Variants in ALDH3A1 observed in about 807,000 individuals in gnomAD.
The protein encoded by ALDH3A1 is aldehyde dehydrogenase, dimeric NADP-preferring.
ALDH3A1 carries 46 observed loss-of-function variants against 49.9 expected under a neutral mutation model. The observed-to-expected ratio is 0.92, with a 90% CI of 0.73 to 1.18. The LOEUF is 1.18. Among genes scored for constraint, ALDH3A1 ranks in the 50% most tolerant of loss-of-function variants. The pLI, the probability that ALDH3A1 is intolerant of heterozygous loss-of-function variation, is 0.00. For synonymous variants in ALDH3A1, 269 were observed against 253.3 expected (o/e 1.06, Z -0.59); for missense variants, 592 against 611.8 (o/e 0.97, Z 0.34).
intron 1 of ALDH3A1, among the ~76,000 whole-genome samples, chr17:19,746,629 G>A (rs897334409): frequency 1.0e-4 from 15 of 144,150 alleles, no homozygotes; most frequent in African/African-American, 4.0e-4. Flanking sequence ...GTGTGCGTGT[G>A]TGTGTGTGCG....
At chr17:19,746,067 C>A (rs2086591277) in intron 1 of ALDH3A1, among the ~76,000 whole-genome samples, 1 of 152,164 alleles carries the variant, frequency 6.6e-6, no homozygotes, top group Non-Finnish European at 1.5e-5. Flanking sequence ...CCAGGGGTGT[C>A]TCAGGCACTG....
At chr17:19,738,602 T>C (rs2086431792) in intron 9 of ALDH3A1, 149 bp from the exon 10 acceptor site, 4 of 1,214,100 alleles carry the variant, frequency 3.3e-6, no homozygotes, top group Admixed American at 2.2e-5. Context: ...TCAAATCCTA[T>C]GGCCCTCAGC....
intron 2 of ALDH3A1, chr17:19,744,702 G>T: frequency 3.7e-6 from 5 of 1,338,792 alleles, no homozygotes; most frequent in Non-Finnish European, 4.8e-6. Flanking sequence ...TCAGGGTGTC[G>T]GGGCAGCAGG....
chr17:19,739,753 C>T, intron 7 of ALDH3A1, 79 bp from the exon 8 acceptor site: 2 of 1,512,270 alleles, frequency 1.3e-6, no homozygotes, highest in South Asian at 1.3e-5. Context: ...TAGACCCCTG[C>T]TCCAACCCTT....
intron 7 of ALDH3A1, 128 bp downstream of exon 7, chr17:19,740,208 G>A (rs2086464341): frequency 3.8e-6 from 5 of 1,326,398 alleles, no homozygotes; most frequent in Non-Finnish European, 5.2e-6. Context: ...CAGGCTCCCT[G>A]GTGAAAGCAA....
rs1366450582 is a variant in ALDH3A1 at position 19,738,355 on chromosome 17, G to A, written c.1315C>T (p.Leu439=). The A allele has an allele frequency of 6.2e-6, 10 of 1,613,764 alleles. No homozygotes were observed. In the African/African-American group the frequency reaches 1.3e-4, roughly 22 times the overall value. ...LVRPLMNDEG[L]KVRYPPSPAK... is the part of the protein sequence containing the mutation. ...GGGCTCGGGGGGTATCTGACCTTCA[G>A]GCCTTCATCATTCATCAGAGGCCTC... Residue 439 remains leucine (L), a synonymous_variant, in exon 10 of 11, where the codon CTG becomes TTG. Transcript: ENST00000225740.
At chr17:19,741,404 G>A (rs918565818) in intron 5 of ALDH3A1, 194 bp from the exon 6 acceptor site, 14 of 530,150 alleles carry the variant, frequency 2.6e-5, no homozygotes, top group Middle Eastern at 5.1e-4. Flanking sequence ...GTTCACCGGC[G>A]ACTGGTGGGG....
In ALDH3A1 at chr17:19,738,386, G is replaced by A. The variant is rs751939838; in HGVS notation, c.1284C>T (p.Cys428=). ...CATCATTCATCAGAGGCCTCACCAG[G>A]CAAGAGCGGCGGTGAGAGAAAGTCT... ...SFETFSHRRS[C]LVRPLMNDEG... Residue 428 remains cysteine, a synonymous_variant, in exon 10 of 11, where the codon TGC becomes TGT. Coordinates refer to ENST00000225740, the MANE Select transcript of ALDH3A1 (RefSeq NM_000691.5). 3 of 1,613,914 alleles carry A rather than the reference G, an allele frequency of 1.9e-6. No homozygotes were observed. Among genetic ancestry groups the A allele is most frequent in the Non-Finnish European group, 2.5e-6 (3 of 1,179,870 alleles).
At chr17:19,744,078 G>A (rs1175753325) in intron 2 of ALDH3A1, 1 of 985,364 alleles carries the variant, frequency 1.0e-6, no homozygotes, top group Non-Finnish European at 1.2e-6. Flanking sequence ...GGTTTAAGAT[G>A]AGAAGTCCTG....
intron 2 of ALDH3A1, chr17:19,744,219 C>T: frequency 1.3e-6 from 1 of 744,552 alleles, no homozygotes; most frequent in Non-Finnish European, 1.6e-6. Context: ...GCCTGTCCAA[C>T]ATGGCGAAAC....
chr17:19,739,454 C>A, intron 8 of ALDH3A1, 54 bp downstream of exon 8: 1 of 1,564,360 alleles, frequency 6.4e-7, no homozygotes, highest in South Asian at 1.2e-5. Flanking sequence ...AGTTTGAACC[C>A]AGGTCTGTGG....
At position 19,743,729 on chromosome 17, in the gene ALDH3A1, G is replaced by T; in HGVS notation, c.163-266C>A. The T allele has an allele frequency of 1.0e-6, 1 of 984,914 alleles. No individual in the cohort carries two copies. Among genetic ancestry groups the T allele is most frequent in the South Asian group, 4.7e-5 (1 of 21,258 alleles). 61.0% of individuals were successfully genotyped at this position (984,914 alleles called of 1,614,324 possible). Reference sequence around the variant, plus strand: ...GAGCCGGTGAAGGGACCAGGCATGGGCAACGGAATGGATCCAGGTAGGGGG... The same window carrying T: ...GAGCCGGTGAAGGGACCAGGCATGGTCAACGGAATGGATCCAGGTAGGGGG... On this transcript the variant is annotated intron_variant, in intron 2 of 10. Coordinates refer to ENST00000225740, the MANE Select transcript of ALDH3A1 (RefSeq NM_000691.5). The surrounding 1 kb of genome is among the most constrained non-coding windows in gnomAD (Gnocchi z 4.4).
At position 19,743,946 on chromosome 17, in the gene ALDH3A1, G is replaced by A; in HGVS notation, c.163-483C>T. ...CTGCTGGGCGCTCAGGGCCTCCTGT[G>A]GGGAGCAGGGGTGAGAAGAGGAGAT... On this transcript the variant is annotated intron_variant, in intron 2 of 10. Transcript: ENST00000225740. The surrounding 1 kb of genome is among the most constrained non-coding windows in gnomAD (Gnocchi z 4.4). 2 of 985,370 alleles carry A rather than the reference G, an allele frequency of 2.0e-6. No homozygotes were observed. The highest frequency in any genetic ancestry group is 2.4e-6 in the Non-Finnish European group (2 of 829,908). 61.0% of individuals were successfully genotyped at this position (985,370 alleles called of 1,614,324 possible).
rs766922092 is a variant in ALDH3A1, at chr17:19,739,080, T to C, written c.1132A>G (p.Ile378Val). 9.3e-6 allele frequency: 15 copies of C among 1,613,706 alleles called. No individual in the cohort carries two copies. The highest frequency in any genetic ancestry group is 5.0e-5 in the Admixed American group (3 of 59,980). The change falls in exon 9 of 11, where the codon ATT (isoleucine) becomes GTT (valine). Residue 378 changes from isoleucine to valine, a missense_variant. Physicochemically the swap from Ile to Val is conservative, Grantham distance 29. Transcript: ENST00000225740. Reference protein sequence around the residue: ...SSNDKVIKKMIAETSSGGVAA... With the variant: ...SSNDKVIKKMVAETSSGGVAA... ...ACCCCACCACTGGATGTCTCTGCAA[T>C]CATCTTCTTAATCACCTGCACCAGG...
rs376864834 is a variant in ALDH3A1 at position 19,748,283 on chromosome 17, C to A, written c.-30G>T. ...CCTTTGACACAGCCTCTCCCGGTAA[C>A]TGGGGCTCCTGGAACGGCAAGAGCC... is the stretch of plus-strand genomic sequence containing the variant. On this transcript the variant is annotated 5_prime_UTR_variant, in exon 1 of 11. Transcript: ENST00000225740. This position sits in a 1 kb window ranked among gnomAD's most constrained non-coding sequence, Gnocchi z 4.4. 24 of 514,010 alleles carry A rather than the reference C, an allele frequency of 4.7e-5. No individual in the cohort carries two copies. Among genetic ancestry groups the A allele is most frequent in the African/African-American group, 4.6e-4 (24 of 51,988 alleles). 31.8% of individuals were successfully genotyped at this position (514,010 alleles called of 1,614,324 possible). A position where few individuals can be genotyped will look rare whatever the true frequency, so the allele number is the denominator to read the frequency against.
intron 2 of ALDH3A1, chr17:19,744,441 G>A: frequency 2.0e-6 from 2 of 985,288 alleles, no homozygotes; most frequent in Non-Finnish European, 2.4e-6. Context: ...AAAAGTGCAG[G>A]AGCAAAGAGG....
In ALDH3A1 at chr17:19,739,477, T is replaced by C. The variant is rs1216174230; in HGVS notation, c.1116+31A>G. ...CCCAGGTCTGTGGGCCCCAGGACCC[T>C]GGCAGAGGGCACCCCAGGCCCACCA... On this transcript the variant is annotated intron_variant, in intron 8 of 10. Transcript: ENST00000225740. 2.5e-6 allele frequency: 4 copies of C among 1,593,108 alleles called. No homozygotes were observed. In the Admixed American group the frequency reaches 5.4e-5, roughly 21 times the overall value.
At position 19,740,493 on chromosome 17, in the gene ALDH3A1, G is replaced by A; in HGVS notation, c.808-16C>T. 1 of 1,613,250 alleles carries A rather than the reference G, an allele frequency of 6.2e-7. No homozygotes were observed. The highest frequency in any genetic ancestry group is 8.5e-7 in the Non-Finnish European group (1 of 1,179,850). ...CGTAGAACTCCTGTGGAGAAGAGGT[G>A]GGGGCTTCGGGTAAGGACGCAGAGC... On this transcript the variant is annotated splice_polypyrimidine_tract_variant and intron_variant, in intron 6 of 10. Coordinates refer to ENST00000225740, the MANE Select transcript of ALDH3A1 (RefSeq NM_000691.5).
rs553225464 is a variant in ALDH3A1 at position 19,739,776 on chromosome 17, C to T, written c.950-102G>A. 4.0e-4 allele frequency: 566 copies of T among 1,412,890 alleles called. 5 individuals are homozygous for T. The highest frequency in any genetic ancestry group is 1.2e-4 in the Non-Finnish European group (125 of 1,049,220). 87.5% of individuals were successfully genotyped at this position (1,412,890 alleles called of 1,614,324 possible). A position where few individuals can be genotyped will look rare whatever the true frequency, so the allele number is the denominator to read the frequency against. ...TGCTCCAACCCTTTTCCAGGCAAAC[C>T]TGCCCAGGCTTGGAAAAGGGCAGGG... On this transcript the variant is annotated intron_variant, in intron 7 of 10. Transcript: ENST00000225740.
Sources: gnomAD v4.1 joint callset for allele counts (sites outside exome capture counted in the v4.1 genomes callset) on GRCh38, gnomAD v4.1.1 for gene constraint, Gnocchi (gnomAD v3.1) non-coding constraint, MANE v1.5 for transcripts, NCBI Gene and HGNC (gene_info 2026-07-23, HGNC 2026-07-21) for gene names.